CREBBP: variants seen among roughly 807,000 people sequenced by gnomAD.
CREBBP encodes the protein CREB binding lysine acetyltransferase.
Under a neutral mutation model 265.0 loss-of-function variants are expected in CREBBP, and 19 were observed. That is an observed-to-expected ratio of 0.07 (90% CI 0.05 to 0.11). The LOEUF (loss-of-function observed/expected upper bound fraction) is 0.11. Ranked by LOEUF, CREBBP falls within the 10% of genes least tolerant of loss-of-function variation. The pLI is 1.00. For synonymous variants in CREBBP, 1,457 were observed against 1,223.7 expected (o/e 1.19, Z -3.98); for missense variants, 2,525 against 3,219.0 (o/e 0.78, Z 5.22).
At position 3,778,817 on chromosome 16, in the gene CREBBP, G is replaced by A. The variant is rs753242611; in HGVS notation, c.1824C>T (p.Leu608=). 3.1e-6 allele frequency: 5 copies of A among 1,612,854 alleles called. No individual in the cohort carries two copies. In the Admixed American group the frequency reaches 5.0e-5, roughly 16 times the overall value. ...CAGGTGTTGGGAAGATGGCTTGGAC[G>A]CTGAAAGGATAACACATCTATCAAA... ...QDLRSHLVHK[L]VQAIFPTPDP... The change falls in exon 9 of 31, where the codon CTC becomes CTT. Residue 608 remains leucine, a splice_region_variant and synonymous_variant. Transcript: ENST00000262367.
At chr16:3,744,251 C>A (rs150148194) in intron 23 of CREBBP, among the ~76,000 whole-genome samples, 3 of 152,250 alleles carry the variant, frequency 2.0e-5, no homozygotes, top group East Asian at 1.9e-4. Flanking sequence ...ATGGCTCATA[C>A]CCCACTGTAG....
rs962463583 is a variant in CREBBP at position 3,731,091 on chromosome 16, C to T, written c.5172+101G>A. The T allele has an allele frequency of 1.4e-5, 18 of 1,244,088 alleles. No homozygotes were observed. The highest frequency in any genetic ancestry group is 2.1e-5 in the Non-Finnish European group (18 of 872,396). 77.1% of individuals were successfully genotyped at this position (1,244,088 alleles called of 1,614,324 possible). On this transcript the variant is annotated intron_variant, in intron 30 of 30. Coordinates refer to ENST00000262367, the MANE Select transcript of CREBBP (RefSeq NM_004380.3). This position sits in a 1 kb window ranked among gnomAD's most constrained non-coding sequence, Gnocchi z 7.7. ...AGTTCTGGAGGAGTCAGTGCAGCCACCATCAGGTACAGACACCAACCCGGG... is the reference window on the plus strand; with the variant it reads ...AGTTCTGGAGGAGTCAGTGCAGCCATCATCAGGTACAGACACCAACCCGGG...
chr16:3,767,979 A>C (rs2052899313), intron 15 of CREBBP, 70 bp from the exon 16 acceptor site: 1 of 1,462,286 alleles, frequency 6.8e-7, no homozygotes, highest in Non-Finnish European at 9.5e-7. Flanking sequence ...TCACGGGAAG[A>C]CTCTTACAAG....
chr16:3,780,241 CAAAAAAAAAA>C (rs559038927), intron 8 of CREBBP, among the ~76,000 whole-genome samples: 1 of 53,696 alleles, frequency 1.9e-5, no homozygotes, highest in Non-Finnish European at 4.2e-5. Flanking sequence ...GACTCTGTCT[CAAAAAAAAAA>C]AAAAAAAAAA....
At chr16:3,816,987 A>G (rs1435477291) in intron 2 of CREBBP, among the ~76,000 whole-genome samples, 1 of 152,196 alleles carries the variant, frequency 6.6e-6, no homozygotes, top group African/African-American at 2.4e-5. Flanking sequence ...GGCAGCAGGA[A>G]CAGTGCCCTT....
chr16:3,812,915 T>C (rs1195522268), intron 2 of CREBBP: 2 of 204,284 alleles, frequency 9.8e-6, no homozygotes, highest in Non-Finnish European at 2.0e-5. Flanking sequence ...AAATCATAGC[T>C]CAGTTCTCTC....
intron 2 of CREBBP, among the ~76,000 whole-genome samples, chr16:3,824,116 CAT>C (rs1466722836): frequency 3.3e-5 from 5 of 152,362 alleles, no homozygotes; most frequent in East Asian, 1.9e-4. Flanking sequence ...GGAAATCAGA[CAT>C]GTGCGGTTAA....
intron 1 of CREBBP, among the ~76,000 whole-genome samples, chr16:3,851,679 C>T (rs2054840754): frequency 6.6e-6 from 1 of 151,768 alleles, no homozygotes; most frequent in African/African-American, 2.4e-5. Flanking sequence ...ACGGTGAAAC[C>T]CCGTCTCTAG....
chr16:3,860,507 T>C (rs1179732006), intron 1 of CREBBP, among the ~76,000 whole-genome samples: 6 of 152,274 alleles, frequency 3.9e-5, no homozygotes, highest in Admixed American at 2.6e-4. Context: ...CATGTGCCAC[T>C]GTGGCTCCAA....
At chr16:3,853,934 T>A (rs913150661) in intron 1 of CREBBP, among the ~76,000 whole-genome samples, 1 of 151,456 alleles carries the variant, frequency 6.6e-6, no homozygotes, top group Non-Finnish European at 1.5e-5. Context: ...CGAAACTCCG[T>A]CTCAAAAACA....
At chr16:3,810,868 A>G in intron 2 of CREBBP, 89 bp from the exon 3 acceptor site, 1 of 1,303,426 alleles carries the variant, frequency 7.7e-7, no homozygotes, top group Non-Finnish European at 1.1e-6. Context: ...TTTCCTATGA[A>G]ATACTCATTG....
rs142047649 is a variant in CREBBP at position 3,770,772 on chromosome 16, G to A, written c.2678C>T (p.Ser893Leu). The A allele has an allele frequency of 2.0e-3, 3,270 of 1,614,080 alleles. 11 individuals are homozygous for A. Among genetic ancestry groups the A allele is most frequent in the Non-Finnish European group, 2.6e-3 (3,026 of 1,180,008 alleles). ...CGGGGTGGGAGTCTGCCCGGAAGAC[G>A]ACACAGGAGTTGATGGCTGAGTGGG... ...AAPTQPSTPV[S>L]SSGQTPTPTP... Residue 893 changes from serine to leucine, a missense_variant, in exon 14 of 31, where the codon TCG (serine) becomes TTG (leucine). Around this residue, in one of 19 missense-constraint regions of CREBBP, gnomAD observed 548 missense variants for 533.0 expected, o/e 1.03. Coordinates refer to ENST00000262367, the MANE Select transcript of CREBBP (RefSeq NM_004380.3).
intron 2 of CREBBP, among the ~76,000 whole-genome samples, chr16:3,821,439 T>C (rs2054139830): frequency 6.6e-6 from 1 of 152,182 alleles, no homozygotes; most frequent in Non-Finnish European, 1.5e-5. Context: ...CCATCCCCAC[T>C]GCCCAGTGAC....
chr16:3,880,004 G>C lies in CREBBP; in HGVS notation c.-88C>G, dbSNP rs760156825. 7.4e-6 allele frequency: 9 copies of C among 1,218,920 alleles called. No homozygotes were observed. The South Asian group carries it at 1.7e-4, about 23-fold the overall frequency. The allele number at this position is 1,218,920 out of a possible 1,614,324, so 75.5% of individuals were successfully genotyped here. ...GGGTCGGGGGCCCTGCCGGCTGCGAGGGAGAGGAGCGAGCGCGGGCCGCGA... is the reference window on the plus strand; with the variant it reads ...GGGTCGGGGGCCCTGCCGGCTGCGACGGAGAGGAGCGAGCGCGGGCCGCGA... On this transcript the variant is annotated 5_prime_UTR_variant, in exon 1 of 31. Transcript: ENST00000262367.
chr16:3,738,923 T>C (rs1266179279), intron 25 of CREBBP, among the ~76,000 whole-genome samples: 1 of 152,220 alleles, frequency 6.6e-6, no homozygotes, highest in Non-Finnish European at 1.5e-5. Context: ...ATTTATTTTT[T>C]GTAGAGCTAG....
In CREBBP at chr16:3,729,755, G is replaced by T. The variant is rs1567263591; in HGVS notation, c.5292C>A (p.Pro1764=). 6.2e-7 allele frequency: 1 copy of T among 1,608,552 alleles called. No homozygotes were observed. The highest frequency in any genetic ancestry group is 8.5e-7 in the Non-Finnish European group (1 of 1,179,482). ...SSQGEPQSKS[P]QESRRLSIQR... is the part of the protein sequence containing the mutation. ...GGATGCTCAGCCGGCGTGACTCCTG[G>T]GGGCTCTTTGACTGTGGCTCGCCCT... The change falls in exon 31 of 31, where the codon CCC becomes CCA. Residue 1764 remains proline, a synonymous_variant. Transcript: ENST00000262367.
chr16:3,762,687 C>G (rs546674588), intron 16 of CREBBP, among the ~76,000 whole-genome samples: 1 of 152,134 alleles, frequency 6.6e-6, no homozygotes, highest in East Asian at 1.9e-4. Context: ...TGTCTCATAT[C>G]GCAGTCCCCA....
chr16:3,731,584 G>C lies in CREBBP; in HGVS notation c.4891-111C>G. ...GCAGAATAGGCAGGTGGCTGAGCCTGATGGCCCTGATGCCTTGGGATGGAA... is the reference window on the plus strand; with the variant it reads ...GCAGAATAGGCAGGTGGCTGAGCCTCATGGCCCTGATGCCTTGGGATGGAA... On this transcript the variant is annotated intron_variant, in intron 29 of 30. Transcript: ENST00000262367. The surrounding 1 kb of genome is among the most constrained non-coding windows in gnomAD (Gnocchi z 7.7). The C allele has an allele frequency of 3.5e-6, 5 of 1,423,104 alleles. No individual in the cohort carries two copies. The highest frequency in any genetic ancestry group is 4.8e-6 in the Non-Finnish European group (5 of 1,033,476). The allele number at this position is 1,423,104 out of a possible 1,614,324, so 88.2% of individuals were successfully genotyped here.
At chr16:3,790,962 C>G (rs1406648408) in intron 5 of CREBBP, among the ~76,000 whole-genome samples, 1 of 152,104 alleles carries the variant, frequency 6.6e-6, no homozygotes, top group African/African-American at 2.4e-5. Context: ...CTCCAGGCAG[C>G]TGCGGGGTCT....
Sources: gnomAD v4.1 joint callset for allele counts (sites outside exome capture counted in the v4.1 genomes callset) on GRCh38, gnomAD v4.1.1 for gene constraint, gnomAD v4.1.1 regional missense constraint, Gnocchi (gnomAD v3.1) non-coding constraint, MANE v1.5 for transcripts, NCBI Gene and HGNC (gene_info 2026-07-23, HGNC 2026-07-21) for gene names.